The following FBXW11 variants were observed in gnomAD, a reference collection of about 807,000 sequenced individuals.
FBXW11 encodes F-box/WD repeat-containing protein 11.
FBXW11 carries 19 observed loss-of-function variants against 77.6 expected under a neutral mutation model. That is an observed-to-expected ratio of 0.24 (90% CI 0.17 to 0.36). The LOEUF is 0.36. Among genes scored for constraint, FBXW11 ranks in the 10% least tolerant of loss-of-function variants. The pLI, the probability that FBXW11 is intolerant of heterozygous loss-of-function variation, is 1.00. For missense variants in FBXW11, 334 were observed against 704.2 expected (o/e 0.47, Z 5.95); for synonymous variants, 235 against 249.4 (o/e 0.94, Z 0.54).
intron 2 of FBXW11, among the ~76,000 whole-genome samples, chr5:171,924,854 C>T (rs879933942): frequency 7.9e-5 from 12 of 151,174 alleles, no homozygotes; most frequent in Non-Finnish European, 1.6e-4. Flanking sequence ...ACTCCCAGAG[C>T]CAGAGTTGCG....
At chr5:171,903,017 G>T (rs1581175583) in intron 4 of FBXW11, among the ~76,000 whole-genome samples, 1 of 152,250 alleles carries the variant, frequency 6.6e-6, no homozygotes, top group Middle Eastern at 3.4e-3. Context: ...GCTCCAAATA[G>T]TTAATTATTT....
intron 2 of FBXW11, among the ~76,000 whole-genome samples, chr5:171,956,981 T>G (rs1181452712): frequency 1.3e-5 from 2 of 152,110 alleles, no homozygotes; most frequent in Admixed American, 1.3e-4. Context: ...CCCAAAAAGT[T>G]TTACTTTTAT....
intron 5 of FBXW11, among the ~76,000 whole-genome samples, chr5:171,899,362 A>C (rs1759961558): frequency 6.6e-6 from 1 of 152,212 alleles, no homozygotes; most frequent in Non-Finnish European, 1.5e-5. Context: ...AAAAAGCGCT[A>C]ATGTAGCTTT....
intron 1 of FBXW11, among the ~76,000 whole-genome samples, chr5:171,972,093 C>T (rs1487321804): frequency 2.1e-5 from 3 of 145,680 alleles, no homozygotes; most frequent in Admixed American, 6.9e-5. Flanking sequence ...TTTAGCTGGG[C>T]GTGGTGGTGT....
At chr5:171,906,896 C>T (rs1340083219) in intron 4 of FBXW11, among the ~76,000 whole-genome samples, 1 of 152,166 alleles carries the variant, frequency 6.6e-6, no homozygotes, top group African/African-American at 2.4e-5. Flanking sequence ...ATTTATGGTC[C>T]ATAATGGCTT....
chr5:171,961,362 T>C (rs775729350), intron 1 of FBXW11, among the ~76,000 whole-genome samples: 5 of 152,208 alleles, frequency 3.3e-5, no homozygotes, highest in Non-Finnish European at 5.9e-5. Context: ...TTAAAAAGTA[T>C]TACAACTGCT....
At chr5:171,960,442 T>C (rs1763847663) in intron 1 of FBXW11, among the ~76,000 whole-genome samples, 1 of 152,186 alleles carries the variant, frequency 6.6e-6, no homozygotes, top group Non-Finnish European at 1.5e-5. Flanking sequence ...CCAAAGCTCA[T>C]ACGTAAATCA....
At chr5:171,920,882 C>T (rs1414015782) in intron 2 of FBXW11, among the ~76,000 whole-genome samples, 1 of 151,804 alleles carries the variant, frequency 6.6e-6, no homozygotes, top group Non-Finnish European at 1.5e-5. Flanking sequence ...TCTAGGTAGC[C>T]GAGATGTAAA....
chr5:171,936,116 A>G (rs1762468981), intron 2 of FBXW11, among the ~76,000 whole-genome samples: 1 of 150,792 alleles, frequency 6.6e-6, no homozygotes, highest in African/African-American at 2.4e-5. Context: ...ATCTAAAAAA[A>G]AAAAAAAAAA....
intron 1 of FBXW11, among the ~76,000 whole-genome samples, chr5:171,972,228 A>C (rs1460992568): frequency 2.0e-5 from 3 of 151,534 alleles, no homozygotes; most frequent in Non-Finnish European, 4.4e-5. Context: ...CTGTAATCCC[A>C]GAATTTGGGG....
At chr5:171,913,838 C>CACACACACAT (rs1554099795) in intron 3 of FBXW11, among the ~76,000 whole-genome samples, 1 of 63,822 alleles carries the variant, frequency 1.6e-5, no homozygotes, top group Non-Finnish European at 3.0e-5. Context: ...CACACACACA[C>CACACACACAT]ACACACACAC....
At chr5:171,956,504 T>C (rs1561720255) in intron 2 of FBXW11, among the ~76,000 whole-genome samples, 1 of 152,196 alleles carries the variant, frequency 6.6e-6, no homozygotes, top group Non-Finnish European at 1.5e-5. Flanking sequence ...TTTGAATCAA[T>C]AACCACACCA....
chr5:171,883,015 A>G (rs1304910179), intron 7 of FBXW11, among the ~76,000 whole-genome samples: 2 of 151,646 alleles, frequency 1.3e-5, no homozygotes, highest in South Asian at 2.1e-4. Flanking sequence ...TAGCTCTTAC[A>G]TAACAGTGAG....
intron 2 of FBXW11, among the ~76,000 whole-genome samples, chr5:171,945,698 C>T (rs942860419): frequency 7.2e-5 from 11 of 152,224 alleles, no homozygotes; most frequent in Non-Finnish European, 1.5e-4. Flanking sequence ...AAACGTATCA[C>T]ATTTTTATCT....
intron 2 of FBXW11, among the ~76,000 whole-genome samples, chr5:171,920,758 G>GT (rs531599690): frequency 2.0e-5 from 3 of 152,042 alleles, no homozygotes; most frequent in Admixed American, 6.5e-5. Flanking sequence ...CATATAGTGT[G>GT]TTTTTTTAAT....
At position 171,913,818 on chromosome 5, in the gene FBXW11, T is replaced by TAC. The variant is rs1161644281; in HGVS notation, c.210+523_210+524dup. On this transcript the variant is annotated intron_variant, in intron 3 of 13. Coordinates refer to ENST00000517395, the MANE Select transcript of FBXW11 (RefSeq NM_001378974.1). The stretch of plus-strand genomic sequence containing the variant: ...CCCCAAACCCCCAACCACACACACA[T>TAC]ACACACACACACACACACACACACA... Among the ~76,000 whole-genome samples the TAC allele has an allele frequency of 9.1e-3, 595 of 65,294 alleles. 11 individuals carry two copies. The highest frequency in any genetic ancestry group is 0.023 in the South Asian group (44 of 1,932). 42.8% of individuals were successfully genotyped at this position (65,294 alleles called of 152,430 possible).
intron 7 of FBXW11, among the ~76,000 whole-genome samples, chr5:171,884,818 G>C (rs1758767476): frequency 6.6e-6 from 1 of 152,114 alleles, no homozygotes; most frequent in Non-Finnish European, 1.5e-5. Flanking sequence ...ATATTCCTAA[G>C]TATGTTATTT....
At chr5:171,873,554 A>G (rs1390209195) in intron 9 of FBXW11, among the ~76,000 whole-genome samples, 1 of 152,206 alleles carries the variant, frequency 6.6e-6, no homozygotes, top group Non-Finnish European at 1.5e-5. Flanking sequence ...AGGTGAAAGG[A>G]TCATTTGAGC....
intron 2 of FBXW11, among the ~76,000 whole-genome samples, chr5:171,932,479 T>A (rs986580534): frequency 3.9e-5 from 6 of 152,188 alleles, no homozygotes; most frequent in Non-Finnish European, 8.8e-5. Flanking sequence ...TTATTTTTTT[T>A]AATTTGTACA....
Sources: gnomAD v4.1 joint callset for allele counts (sites outside exome capture counted in the v4.1 genomes callset) on GRCh38, gnomAD v4.1.1 for gene constraint, MANE v1.5 for transcripts, NCBI Gene and HGNC (gene_info 2026-07-23, HGNC 2026-07-21) for gene names.